GRIK4: variants seen among roughly 807,000 people sequenced by gnomAD.
GRIK4 encodes the protein glutamate ionotropic receptor kainate type subunit 4.
Under a neutral mutation model 104.9 loss-of-function variants are expected in GRIK4, and 40 were observed. The ratio of observed to expected loss-of-function variants is 0.38; its 90% CI spans 0.30 to 0.50. The LOEUF (loss-of-function observed/expected upper bound fraction) is 0.50, where lower values mean the gene tolerates loss of function less well. Among genes scored for constraint, GRIK4 ranks in the 20% least tolerant of loss-of-function variants. GRIK4 has a pLI of 0.93. For synonymous variants in GRIK4, 485 were observed against 524.9 expected (o/e 0.92, Z 1.04); for missense variants, 1,047 against 1,308.1 (o/e 0.80, Z 3.08).
chr11:120,712,361 G>C (rs1950750535), intron 3 of GRIK4, among the ~76,000 whole-genome samples: 1 of 152,198 alleles, frequency 6.6e-6, no homozygotes, highest in African/African-American at 2.4e-5. Context: ...TGCTGGCCTA[G>C]GAAGGACCTT....
At chr11:120,854,854 AT>A (rs905139310) in intron 8 of GRIK4, among the ~76,000 whole-genome samples, 20 of 151,900 alleles carry the variant, frequency 1.3e-4, no homozygotes, top group Non-Finnish European at 2.2e-4. Flanking sequence ...AAATTAAAAG[AT>A]TTTTTTTTAA....
intron 1 of GRIK4, among the ~76,000 whole-genome samples, chr11:120,650,577 T>C (rs1009891281): frequency 6.6e-6 from 1 of 152,166 alleles, no homozygotes; most frequent in East Asian, 1.9e-4. Context: ...CCCTGAACCA[T>C]CCTGTTCTTT....
chr11:120,972,047 A>G (rs190601580), intron 19 of GRIK4, among the ~76,000 whole-genome samples: 2 of 152,318 alleles, frequency 1.3e-5, no homozygotes, highest in South Asian at 2.1e-4. Flanking sequence ...GTTCTGTCCT[A>G]AAAATACATG....
At chr11:120,947,162 G>C (rs1165013806) in intron 14 of GRIK4, among the ~76,000 whole-genome samples, 1 of 152,150 alleles carries the variant, frequency 6.6e-6, no homozygotes, top group Admixed American at 6.5e-5. Flanking sequence ...CCAGCATTTT[G>C]GGAGGCCGAG....
chr11:120,930,010 G>GGC (rs1284366107), intron 13 of GRIK4, among the ~76,000 whole-genome samples: 1 of 152,206 alleles, frequency 6.6e-6, no homozygotes, highest in African/African-American at 2.4e-5. Context: ...TTTGGGGGGG[G>GGC]GGTCCCCTCC....
intron 3 of GRIK4, among the ~76,000 whole-genome samples, chr11:120,663,201 C>A (rs1359279790): frequency 6.6e-6 from 1 of 152,198 alleles, no homozygotes; most frequent in Non-Finnish European, 1.5e-5. Context: ...GACCCCACCC[C>A]ATCTTTGCAC....
At chr11:120,983,769 G>A (rs912355261) in intron 20 of GRIK4, among the ~76,000 whole-genome samples, 5 of 152,116 alleles carry the variant, frequency 3.3e-5, no homozygotes, top group African/African-American at 9.7e-5. Context: ...TACACACCAC[G>A]CTGCAGTTAT....
intron 8 of GRIK4, among the ~76,000 whole-genome samples, chr11:120,860,273 G>A (rs982202168): frequency 3.9e-5 from 6 of 151,976 alleles, no homozygotes; most frequent in African/African-American, 1.2e-4. Context: ...GCATCTTTCC[G>A]GGAGCGGGGA....
At chr11:120,737,566 A>G (rs1486289083) in intron 3 of GRIK4, among the ~76,000 whole-genome samples, 3 of 152,228 alleles carry the variant, frequency 2.0e-5, no homozygotes, top group Non-Finnish European at 4.4e-5. Context: ...TGGGCAAACG[A>G]ACAAATAAAT....
At chr11:120,589,802 T>C (rs1448186109) in intron 1 of GRIK4, among the ~76,000 whole-genome samples, 2 of 152,182 alleles carry the variant, frequency 1.3e-5, no homozygotes, top group Non-Finnish European at 2.9e-5. Flanking sequence ...TTAAAAGGTA[T>C]TGATAGCCAA....
chr11:120,740,707 G>C (rs1321460080), intron 3 of GRIK4, among the ~76,000 whole-genome samples: 1 of 152,180 alleles, frequency 6.6e-6, no homozygotes, highest in African/African-American at 2.4e-5. Flanking sequence ...GACTAGTGAG[G>C]AATGGGAGCA....
chr11:120,796,139 C>T (rs1372026810), intron 3 of GRIK4, among the ~76,000 whole-genome samples: 4 of 150,860 alleles, frequency 2.7e-5, no homozygotes, highest in Admixed American at 6.6e-5. Flanking sequence ...AGGTTCACGC[C>T]ATTCTCCTGC....
intron 3 of GRIK4, among the ~76,000 whole-genome samples, chr11:120,715,418 G>C (rs927277252): frequency 6.6e-6 from 1 of 152,140 alleles, no homozygotes. Flanking sequence ...AAAGTAAAAC[G>C]AAACAAAAGC....
intron 1 of GRIK4, among the ~76,000 whole-genome samples, chr11:120,622,942 C>T (rs565113956): frequency 5.9e-5 from 9 of 152,352 alleles, no homozygotes; most frequent in African/African-American, 2.2e-4. Flanking sequence ...TTAATCACAT[C>T]TTTTGCCATG....
chr11:120,566,942 C>T (rs528992263), intron 1 of GRIK4, among the ~76,000 whole-genome samples: 32 of 146,168 alleles, frequency 2.2e-4, no homozygotes, highest in African/African-American at 5.1e-4. Context: ...GTCCTGACCT[C>T]GTGTTCCGCC....
At chr11:120,533,888 A>G (rs1161560301) in intron 1 of GRIK4, among the ~76,000 whole-genome samples, 1 of 152,086 alleles carries the variant, frequency 6.6e-6, no homozygotes, top group Non-Finnish European at 1.5e-5. Flanking sequence ...AAACAAAAAC[A>G]AAAACAAAAA....
intron 3 of GRIK4, among the ~76,000 whole-genome samples, chr11:120,729,132 T>C (rs575757961): frequency 1.4e-4 from 21 of 152,232 alleles, no homozygotes; most frequent in Non-Finnish European, 2.8e-4. Flanking sequence ...ATTGTGTATA[T>C]GTACCACATT....
chr11:120,970,100 C>T (rs911990154), intron 19 of GRIK4, among the ~76,000 whole-genome samples: 5 of 152,206 alleles, frequency 3.3e-5, no homozygotes, highest in African/African-American at 9.7e-5. Flanking sequence ...CTGCTGCTAG[C>T]TGTCAGAAGC....
intron 3 of GRIK4, among the ~76,000 whole-genome samples, chr11:120,770,829 T>G (rs879216281): frequency 6.6e-6 from 1 of 152,216 alleles, no homozygotes; most frequent in Non-Finnish European, 1.5e-5. Flanking sequence ...GCCTTGCTCT[T>G]TCTACCATGT....
Sources: allele counts gnomAD v4.1 joint callset (sites outside exome capture counted in the v4.1 genomes callset), GRCh38; gene constraint gnomAD v4.1.1; transcripts MANE v1.5; gene names NCBI Gene and HGNC (gene_info 2026-07-23, HGNC 2026-07-21).